GRB14: variants seen among roughly 807,000 people sequenced by gnomAD.
The protein encoded by GRB14 is growth factor receptor-bound protein 14.
A neutral mutation model predicts 69.1 loss-of-function variants in GRB14; 38 were observed. The observed-to-expected ratio is 0.55, with a 90% CI of 0.42 to 0.72. The LOEUF is 0.72. Ranked by LOEUF, GRB14 falls within the 30% of genes least tolerant of loss-of-function variation. GRB14 has a pLI of 0.00. For missense variants in GRB14, 666 were observed against 666.1 expected (o/e 1.00, Z 0.00); for synonymous variants, 247 against 241.3 (o/e 1.02, Z -0.22).
At position 164,619,726 on chromosome 2, in the gene GRB14, T is replaced by C. The variant is rs759123462; in HGVS notation, c.285A>G (p.Ser95=). The C allele has an allele frequency of 4.1e-5, 65 of 1,596,422 alleles. No individual in the cohort carries two copies. Among genetic ancestry groups the C allele is most frequent in the Non-Finnish European group, 5.3e-5 (62 of 1,174,968 alleles). Residue 95 remains serine (S), a synonymous_variant, in exon 2 of 14, where the codon TCA becomes TCG. Coordinates refer to ENST00000263915, the MANE Select transcript of GRB14 (RefSeq NM_004490.3). ...AATTTGCTTTGGGAAATAGGTCTGC[T>C]GACAACACAGATGTAAATGGAGAAC... The part of the protein sequence containing the change: ...LCCSPFTSVL[S]ADLFPKANSR...
chr2:164,515,718 A>G (rs1687464157), intron 6 of GRB14, among the ~76,000 whole-genome samples: 1 of 151,806 alleles, frequency 6.6e-6, no homozygotes, highest in South Asian at 2.1e-4. Context: ...GAAGAAATCT[A>G]TGAATTGTCA....
chr2:164,620,707 C>T (rs1690436732), intron 1 of GRB14, among the ~76,000 whole-genome samples: 6 of 152,152 alleles, frequency 3.9e-5, no homozygotes, highest in Admixed American at 3.9e-4. Flanking sequence ...AATGTCAATC[C>T]ATGCTTTGCT....
intron 2 of GRB14, among the ~76,000 whole-genome samples, chr2:164,613,405 C>T (rs1690212111): frequency 6.6e-6 from 1 of 152,078 alleles, no homozygotes; most frequent in Non-Finnish European, 1.5e-5. Context: ...GGCCCACTGT[C>T]CCCTTGGCCA....
rs1687731809 is a variant in GRB14, at chr2:164,524,996, T to C, written c.678+8A>G. The C allele has an allele frequency of 2.0e-6, 3 of 1,505,284 alleles. No homozygotes were observed. Among genetic ancestry groups the C allele is most frequent in the Non-Finnish European group, 2.7e-6 (3 of 1,098,336 alleles). 93.2% of individuals were successfully genotyped at this position (1,505,284 alleles called of 1,614,324 possible). A position where few individuals can be genotyped will look rare whatever the true frequency, so the allele number is the denominator to read the frequency against. ...TTATTTATATATGTTAATAAAAATA[T>C]ATTTTACCTGCAAAATCTGTGTGGG... On this transcript the variant is annotated splice_region_variant and intron_variant, in intron 5 of 13. Coordinates refer to ENST00000263915, the MANE Select transcript of GRB14 (RefSeq NM_004490.3).
At chr2:164,511,611 G>C (rs1250750346) in intron 6 of GRB14, among the ~76,000 whole-genome samples, 1 of 152,142 alleles carries the variant, frequency 6.6e-6, no homozygotes, top group Admixed American at 6.5e-5. Flanking sequence ...GTGATATCCA[G>C]GCAGTAATCC....
At chr2:164,544,227 CA>C (rs1688309233) in intron 3 of GRB14, among the ~76,000 whole-genome samples, 1 of 152,110 alleles carries the variant, frequency 6.6e-6, no homozygotes. Context: ...GTATGTGGAT[CA>C]AATTAATTCC....
intron 2 of GRB14, 89 bp from the exon 3 acceptor site, chr2:164,547,905 C>A (rs769946824): frequency 4.9e-5 from 38 of 774,238 alleles, no homozygotes; most frequent in Non-Finnish European, 7.2e-5. Context: ...GTATACAACA[C>A]GATATTATGA....
chr2:164,534,938 T>C (rs1386193000), intron 3 of GRB14, among the ~76,000 whole-genome samples: 1 of 152,206 alleles, frequency 6.6e-6, no homozygotes, highest in African/African-American at 2.4e-5. Context: ...AAACATGTTA[T>C]TAAAACTTCA....
chr2:164,616,914 C>A (rs1168579663), intron 2 of GRB14, among the ~76,000 whole-genome samples: 1 of 152,176 alleles, frequency 6.6e-6, no homozygotes, highest in African/African-American at 2.4e-5. Context: ...ATCATCTCAA[C>A]TGAAGGTTAC....
At chr2:164,605,371 T>C (rs1690018658) in intron 2 of GRB14, among the ~76,000 whole-genome samples, 1 of 152,210 alleles carries the variant, frequency 6.6e-6, no homozygotes, top group Non-Finnish European at 1.5e-5. Flanking sequence ...GAGTATTCAC[T>C]TGTTTTGGAA....
chr2:164,529,943 T>C (rs1019512660), intron 3 of GRB14, among the ~76,000 whole-genome samples: 3 of 152,186 alleles, frequency 2.0e-5, no homozygotes, highest in African/African-American at 4.8e-5. Context: ...CAAAAACTCA[T>C]CTTAGGGCTA....
chr2:164,528,950 G>T (rs1687851661), intron 3 of GRB14, among the ~76,000 whole-genome samples: 1 of 152,112 alleles, frequency 6.6e-6, no homozygotes, highest in Non-Finnish European at 1.5e-5. Context: ...ACAGAAATTT[G>T]TATACCAATG....
Position 164,494,424 on chromosome 2 carries a change from T to G in GRB14, c.1476+7A>C, listed in dbSNP as rs1251024766. 7.0e-7 allele frequency: 1 copy of G among 1,421,960 alleles called. No individual in the cohort carries two copies. The highest frequency in any genetic ancestry group is 9.9e-7 in the Non-Finnish European group (1 of 1,005,190). 88.1% of individuals were successfully genotyped at this position (1,421,960 alleles called of 1,614,324 possible). A position where few individuals can be genotyped will look rare whatever the true frequency, so the allele number is the denominator to read the frequency against. On this transcript the variant is annotated splice_region_variant and intron_variant, in intron 13 of 13. Coordinates refer to ENST00000263915, the MANE Select transcript of GRB14 (RefSeq NM_004490.3). ...AATACACAAATGTGAAATCACGAATTACTTACTGGTATAATTTGAAAGTGC... is the reference window on the plus strand; with the variant it reads ...AATACACAAATGTGAAATCACGAATGACTTACTGGTATAATTTGAAAGTGC...
In GRB14 at chr2:164,567,526, CT is replaced by C. The variant is rs1378806281; in HGVS notation, c.325-19711del. Among the ~76,000 whole-genome samples the C allele has an allele frequency of 6.6e-5, 10 of 152,226 alleles. No individual in the cohort carries two copies. The East Asian group carries it at 1.9e-3, about 29-fold the overall frequency. On this transcript the variant is annotated intron_variant, in intron 2 of 13. Transcript: ENST00000263915. ...CCATTTGGTAAGCATATTGCCAAAA[CT>C]GAGTTTTAGTGCCTTCCTTCTCAAT...
chr2:164,497,173 T>C (rs1686922993), intron 11 of GRB14, 38 bp downstream of exon 11: 1 of 1,599,322 alleles, frequency 6.3e-7, no homozygotes, highest in Non-Finnish European at 8.6e-7. Flanking sequence ...TCCATGTCTA[T>C]CCGTCTACTC....
At chr2:164,603,713 G>A (rs529461876) in intron 2 of GRB14, among the ~76,000 whole-genome samples, 1 of 150,510 alleles carries the variant, frequency 6.6e-6, no homozygotes, top group South Asian at 2.1e-4. Context: ...TCAGGACAGA[G>A]AGGGAAAAAT....
chr2:164,540,221 A>G (rs1688196459), intron 3 of GRB14, among the ~76,000 whole-genome samples: 3 of 152,170 alleles, frequency 2.0e-5, no homozygotes, highest in African/African-American at 4.8e-5. Context: ...TGTCTAGAAC[A>G]ATCTTCCACT....
chr2:164,606,532 G>GAGGT (rs1690045286), intron 2 of GRB14, among the ~76,000 whole-genome samples: 1 of 152,042 alleles, frequency 6.6e-6, no homozygotes, highest in African/African-American at 2.4e-5. Context: ...TAAATATTTA[G>GAGGT]TCATTTTTCT....
intron 8 of GRB14, among the ~76,000 whole-genome samples, chr2:164,504,196 C>A (rs371264598): frequency 4.0e-5 from 6 of 151,160 alleles, no homozygotes; most frequent in African/African-American, 1.2e-4. Context: ...AAGAAAAGGA[C>A]GTAAGAATAA....
Sources: allele counts gnomAD v4.1 joint callset (sites outside exome capture counted in the v4.1 genomes callset), GRCh38; gene constraint gnomAD v4.1.1; transcripts MANE v1.5; gene names NCBI Gene and HGNC (gene_info 2026-07-23, HGNC 2026-07-21).